The following TBL1X variants were observed in gnomAD, a reference collection of about 807,000 sequenced individuals.
The protein encoded by TBL1X is transducin beta like 1 X-linked, also known as F-box-like/WD repeat-containing protein TBL1X.
Under a neutral mutation model 50.7 loss-of-function variants are expected in TBL1X, and 10 were observed. That is an observed-to-expected ratio of 0.20 (90% CI 0.12 to 0.33). TBL1X has a LOEUF of 0.33. Ranked by LOEUF, TBL1X falls within the 10% of genes least tolerant of loss-of-function variation. The pLI is 1.00. For missense variants in TBL1X, 340 were observed against 504.4 expected (o/e 0.67, Z 3.12); for synonymous variants, 190 against 214.7 (o/e 0.88, Z 1.01).
At chrX:9,528,331 T>G (rs141524644) in intron 2 of TBL1X, among the ~76,000 whole-genome samples, 192 of 111,449 alleles carry the variant, frequency 1.7e-3, no homozygotes, top group African/African-American at 5.9e-3. Context: ...CATTTGCAGC[T>G]CAGTTCATTT....
intron 2 of TBL1X, among the ~76,000 whole-genome samples, chrX:9,512,071 C>A (rs1036493302): frequency 9.0e-6 from 1 of 110,860 alleles, no homozygotes; most frequent in African/African-American, 3.3e-5. Context: ...GTTGCCCAGG[C>A]TTGTCTTTAA....
At chrX:9,703,533 G>A (rs2083188370) in intron 12 of TBL1X, among the ~76,000 whole-genome samples, 1 of 111,615 alleles carries the variant, frequency 9.0e-6, no homozygotes, top group African/African-American at 3.3e-5. Context: ...GCAGTCCGTG[G>A]ACGCCTGAGA....
chrX:9,644,862 T>G (rs1293834742), intron 3 of TBL1X: 1 of 111,643 alleles, frequency 9.0e-6, no homozygotes, highest in Non-Finnish European at 1.9e-5. Flanking sequence ...TTTGCTATGT[T>G]GGCCAGTCTG....
At chrX:9,467,249 C>T (rs2081781687) in intron 1 of TBL1X, among the ~76,000 whole-genome samples, 1 of 111,356 alleles carries the variant, frequency 9.0e-6, no homozygotes, top group Non-Finnish European at 1.9e-5. Context: ...GAGGCCATCT[C>T]CAGCAGGTCC....
chrX:9,586,825 A>G (rs769022530), intron 2 of TBL1X, among the ~76,000 whole-genome samples: 6 of 111,830 alleles, frequency 5.4e-5, no homozygotes, highest in East Asian at 2.8e-4. Context: ...GTTTGAGCCC[A>G]GGAGGTCAAG....
At chrX:9,664,918 G>C (rs2082918494) in intron 5 of TBL1X, among the ~76,000 whole-genome samples, 1 of 111,065 alleles carries the variant, frequency 9.0e-6, no homozygotes, top group Admixed American at 9.5e-5. Flanking sequence ...TATTACAATG[G>C]AGAGAGAGTG....
At chrX:9,566,468 T>C (rs1251148448) in intron 2 of TBL1X, among the ~76,000 whole-genome samples, 1 of 111,972 alleles carries the variant, frequency 8.9e-6, no homozygotes, top group Non-Finnish European at 1.9e-5. Context: ...TTTGGAATCC[T>C]CTGGCACTGG....
chrX:9,674,748 A>ATTTTTATTT (rs2082983030), intron 5 of TBL1X, among the ~76,000 whole-genome samples: 1 of 83,440 alleles, frequency 1.2e-5, no homozygotes, highest in Non-Finnish European at 2.2e-5. Context: ...TCAACTAATT[A>ATTTTTATTT]TTTTTATTTT....
intron 5 of TBL1X, among the ~76,000 whole-genome samples, chrX:9,660,329 C>A (rs2082890515): frequency 5.3e-5 from 6 of 112,624 alleles, no homozygotes; most frequent in Non-Finnish European, 1.1e-4. Flanking sequence ...AAAAGAAACA[C>A]AAGTAGAAAT....
At chrX:9,702,079 G>A (rs886967834) in intron 12 of TBL1X, among the ~76,000 whole-genome samples, 8 of 111,433 alleles carry the variant, frequency 7.2e-5, no homozygotes, top group African/African-American at 2.6e-4. Context: ...AAGAATAGGG[G>A]CAATTGATGG....
At chrX:9,683,516 T>G (rs1286262480) in intron 5 of TBL1X, among the ~76,000 whole-genome samples, 1 of 111,648 alleles carries the variant, frequency 9.0e-6, no homozygotes, top group Non-Finnish European at 1.9e-5. Context: ...CTTCTCCGTC[T>G]TCAGTTGTTG....
At chrX:9,709,498 C>T in intron 14 of TBL1X, 135 bp from the exon 15 acceptor site, 8 of 1,026,113 alleles carry the variant, frequency 7.8e-6, no homozygotes, top group Non-Finnish European at 1.1e-5. Flanking sequence ...TCGCAGCCTC[C>T]CTGCAGCCTT....
chrX:9,640,510 A>G (rs1448682220), intron 3 of TBL1X, 150 bp downstream of exon 3: 1 of 112,623 alleles, frequency 8.9e-6, no homozygotes, highest in African/African-American at 3.2e-5. Context: ...TGAAGGTTGA[A>G]GGTAGTAGAC....
intron 1 of TBL1X, among the ~76,000 whole-genome samples, chrX:9,491,340 T>C (rs866869996): frequency 1.9e-4 from 5 of 26,117 alleles, no homozygotes; most frequent in Non-Finnish European, 2.4e-4. Context: ...ATATATATAT[T>C]TTTTTTTTTT....
At chrX:9,593,512 T>G in intron 2 of TBL1X, among the ~76,000 whole-genome samples, 1 of 110,926 alleles carries the variant, frequency 9.0e-6, no homozygotes, top group South Asian at 3.9e-4. Context: ...CCTGTTACCC[T>G]AAACACTGCC....
intron 2 of TBL1X, among the ~76,000 whole-genome samples, chrX:9,612,532 C>G (rs2082618922): frequency 9.0e-6 from 1 of 111,643 alleles, no homozygotes; most frequent in South Asian, 3.7e-4. Context: ...ATAATAATGC[C>G]ATAATATATT....
In TBL1X at chrX:9,628,230, G is replaced by A. The variant is rs188278190; in HGVS notation, c.-130-12043G>A. Among the ~76,000 whole-genome samples the A allele has an allele frequency of 4.8e-3, 533 of 111,976 alleles. 1 individual carries two copies. The highest frequency in any genetic ancestry group is 7.7e-3 in the Non-Finnish European group (409 of 53,113). On this transcript the variant is annotated intron_variant, in intron 2 of 17. Transcript: ENST00000645353. ...GTGGCACTGTTGACATGTAGGGCTG[G>A]AGAACTATCTGTGGGAGGTCCTTCC...
At chrX:9,520,829 T>C (rs1262902450) in intron 2 of TBL1X, among the ~76,000 whole-genome samples, 1 of 111,370 alleles carries the variant, frequency 9.0e-6, no homozygotes, top group Non-Finnish European at 1.9e-5. Context: ...TGGTGGCTCA[T>C]GTCTGTAATC....
intron 2 of TBL1X, among the ~76,000 whole-genome samples, chrX:9,549,684 G>A (rs1413122553): frequency 1.8e-5 from 2 of 111,744 alleles, no homozygotes; most frequent in East Asian, 2.8e-4. Context: ...AAGAAAGGGC[G>A]CTTGTTCCCT....
Sources: allele counts gnomAD v4.1 joint callset (sites outside exome capture counted in the v4.1 genomes callset), GRCh38; gene constraint gnomAD v4.1.1; transcripts MANE v1.5; gene names NCBI Gene and HGNC (gene_info 2026-07-23, HGNC 2026-07-21).